The following SUMF1 variants were observed in gnomAD, a reference collection of about 807,000 sequenced individuals.
The protein encoded by SUMF1 is sulfatase modifying factor 1.
In SUMF1, 48 loss-of-function variants were observed where a neutral mutation model predicts 47.6. That is an observed-to-expected ratio of 1.01 (90% CI 0.80 to 1.28). The LOEUF is 1.28. SUMF1 is among the 50% of genes most tolerant of loss of function. SUMF1 has a pLI of 0.00. For synonymous variants in SUMF1, 230 were observed against 192.1 expected (o/e 1.20, Z -1.63); for missense variants, 571 against 485.4 (o/e 1.18, Z -1.66).
intron 8 of SUMF1, among the ~76,000 whole-genome samples, chr3:4,094,289 C>T (rs969971911): frequency 9.9e-5 from 15 of 151,896 alleles, no homozygotes; most frequent in Non-Finnish European, 1.5e-5. Context: ...TGGTATTTCT[C>T]CTGATAGGGT....
chr3:4,128,220 C>T (rs529602454), intron 8 of SUMF1, among the ~76,000 whole-genome samples: 4 of 152,242 alleles, frequency 2.6e-5, no homozygotes, highest in South Asian at 2.1e-4. Context: ...TCTTATCATG[C>T]GAGTGACTGA....
intron 8 of SUMF1, chr3:4,313,091 A>C (rs1227874340): frequency 6.2e-7 from 1 of 1,613,864 alleles, no homozygotes; most frequent in Non-Finnish European, 8.5e-7. Flanking sequence ...CCTGTTTTTG[A>C]ATGCAATGTC....
At chr3:4,307,526 T>C (rs183307284) in intron 8 of SUMF1, among the ~76,000 whole-genome samples, 4 of 152,288 alleles carry the variant, frequency 2.6e-5, no homozygotes, top group African/African-American at 9.6e-5. Flanking sequence ...AAGAAAGAAA[T>C]TGTTGCAGAC....
At chr3:4,116,308 G>C (rs761087021) in intron 8 of SUMF1, among the ~76,000 whole-genome samples, 1 of 152,060 alleles carries the variant, frequency 6.6e-6, no homozygotes, top group African/African-American at 2.4e-5. Context: ...TTCAAGAAAC[G>C]CAAGTAAGAA....
At chr3:4,417,075 G>C in intron 6 of SUMF1, 53 bp downstream of exon 6, 2 of 1,540,760 alleles carry the variant, frequency 1.3e-6, no homozygotes, top group Non-Finnish European at 1.8e-6. Flanking sequence ...ATGTCTACTG[G>C]GAGCCTCAGT....
chr3:4,172,692 TG>T (rs889807031), intron 8 of SUMF1, among the ~76,000 whole-genome samples: 19 of 83,128 alleles, frequency 2.3e-4, no homozygotes, highest in African/African-American at 6.3e-4. Flanking sequence ...TTGATGGGGT[TG>T]TTTTTTTTGT....
chr3:4,436,657 G>A (rs1378234888), intron 3 of SUMF1, among the ~76,000 whole-genome samples: 6 of 150,316 alleles, frequency 4.0e-5, no homozygotes, highest in Non-Finnish European at 8.9e-5. Flanking sequence ...ATGGACATTA[G>A]AAAATATTTA....
At chr3:4,404,393 T>C (rs1036882698) in intron 7 of SUMF1, among the ~76,000 whole-genome samples, 26 of 152,236 alleles carry the variant, frequency 1.7e-4, no homozygotes, top group African/African-American at 6.3e-4. Context: ...TCGTGCTTTT[T>C]TTCATTTTGA....
intron 8 of SUMF1, among the ~76,000 whole-genome samples, chr3:4,283,555 C>T (rs1697571342): frequency 6.6e-6 from 1 of 152,044 alleles, no homozygotes; most frequent in Non-Finnish European, 1.5e-5. Context: ...TAACGAATAC[C>T]TTTGGAGGGA....
chr3:4,067,670 A>G (rs1695409151), intron 9 of SUMF1, among the ~76,000 whole-genome samples: 2 of 152,326 alleles, frequency 1.3e-5, no homozygotes, highest in South Asian at 4.1e-4. Flanking sequence ...CTCTATGGAC[A>G]TTAACACAGT....
At chr3:4,461,987 A>AT (rs1400388972) in intron 1 of SUMF1, among the ~76,000 whole-genome samples, 1 of 152,240 alleles carries the variant, frequency 6.6e-6, no homozygotes, top group African/African-American at 2.4e-5. Flanking sequence ...AGCCAGAAGC[A>AT]TAAGTGAAGT....
chr3:4,148,967 A>ACATTAACCTAT (rs2125103391), intron 8 of SUMF1, among the ~76,000 whole-genome samples: 1 of 152,210 alleles, frequency 6.6e-6, no homozygotes, highest in Admixed American at 6.5e-5. Flanking sequence ...AGAGCATAGG[A>ACATTAACCTAT]CATTAACCTA....
chr3:4,422,081 G>A lies in SUMF1; in HGVS notation c.520-1935C>T, dbSNP rs371080415. On this transcript the variant is annotated intron_variant, in intron 3 of 8. Coordinates refer to ENST00000272902, the MANE Select transcript of SUMF1 (RefSeq NM_182760.4). ...AAAAGAAGGCATTAGGTCCTTAAAT[G>A]ACACTATAGCAAGGTGTTTTATTTT... 5.6e-4 allele frequency among the ~76,000 whole-genome samples: 86 copies of A among 152,292 alleles called. 1 individual carries two copies. In the South Asian group the frequency reaches 0.018, roughly 32 times the overall value.
chr3:4,426,672 T>C (rs984523483), intron 3 of SUMF1, among the ~76,000 whole-genome samples: 1 of 152,210 alleles, frequency 6.6e-6, no homozygotes, highest in African/African-American at 2.4e-5. Flanking sequence ...TTCAGGTGTG[T>C]TGTTTACAGA....
intron 9 of SUMF1, among the ~76,000 whole-genome samples, chr3:4,056,869 G>C (rs1006855773): frequency 5.3e-5 from 8 of 152,062 alleles, no homozygotes; most frequent in African/African-American, 1.9e-4. Flanking sequence ...AGTCTCCTGA[G>C]TAGCTGGGAC....
intron 7 of SUMF1, among the ~76,000 whole-genome samples, chr3:4,396,067 C>T (rs1446908251): frequency 6.6e-6 from 1 of 152,162 alleles, no homozygotes; most frequent in African/African-American, 2.4e-5. Flanking sequence ...GTGCTAGGCA[C>T]AGATATAAAC....
At chr3:4,203,934 G>A (rs1230039389) in intron 8 of SUMF1, among the ~76,000 whole-genome samples, 1 of 150,672 alleles carries the variant, frequency 6.6e-6, no homozygotes, top group Non-Finnish European at 1.5e-5. Flanking sequence ...TTATACTTTT[G>A]ATGTCTTAAA....
chr3:4,206,819 T>A (rs554841996), intron 8 of SUMF1, among the ~76,000 whole-genome samples: 9 of 152,122 alleles, frequency 5.9e-5, no homozygotes, highest in East Asian at 5.8e-4. Context: ...CTTTTTTTTT[T>A]AAATTTTGTT....
chr3:4,432,395 C>G (rs73807204), intron 3 of SUMF1, among the ~76,000 whole-genome samples: 6 of 152,126 alleles, frequency 3.9e-5, no homozygotes, highest in Non-Finnish European at 8.8e-5. Flanking sequence ...CCAGAGTGGT[C>G]TCTTTAAAAT....
Sources: gnomAD v4.1 joint callset for allele counts (sites outside exome capture counted in the v4.1 genomes callset) on GRCh38, gnomAD v4.1.1 for gene constraint, MANE v1.5 for transcripts, NCBI Gene and HGNC (gene_info 2026-07-23, HGNC 2026-07-21) for gene names.